The following SLC25A38 variants were observed in gnomAD, a reference collection of about 807,000 sequenced individuals.
The protein encoded by SLC25A38 is mitochondrial glycine transporter.
A neutral mutation model predicts 33.4 loss-of-function variants in SLC25A38; 27 were observed. The ratio of observed to expected loss-of-function variants is 0.81; its 90% CI spans 0.60 to 1.11. The LOEUF is 1.11. SLC25A38 is among the 50% of genes most tolerant of loss of function. The pLI is 0.00. For synonymous variants in SLC25A38, 123 were observed against 145.9 expected, an observed-to-expected ratio of 0.84 and a Z score of 1.13; for missense variants, 344 against 388.8, an observed-to-expected ratio of 0.88 and a Z score of 0.97.
chr3:39,395,176 T>G (rs2041813213), intron 6 of SLC25A38, among the ~76,000 whole-genome samples: 1 of 152,212 alleles, frequency 6.6e-6, no homozygotes, highest in African/African-American at 2.4e-5. Flanking sequence ...AAATTTGTTT[T>G]GGGCTGCATT....
In SLC25A38 at chr3:39,392,011, A is replaced by G; in HGVS notation, c.615A>G (p.Ile205Met). Residue 205 changes from isoleucine to methionine, a missense_variant, in exon 5 of 7, where the codon ATA becomes ATG. Physicochemically the swap from Ile to Met is conservative, Grantham distance 10. Coordinates refer to ENST00000650617, the MANE Select transcript of SLC25A38 (RefSeq NM_017875.4). ...YLMFYNQTKN[I>M]VPHDQVDATL... is the part of the protein sequence containing the mutation. Reference sequence around the variant, plus strand: ...TGTTTTACAACCAGACCAAAAATATAGTGCCTCATGGTAGGGATAAAGGAA... The same window carrying G: ...TGTTTTACAACCAGACCAAAAATATGGTGCCTCATGGTAGGGATAAAGGAA... 2 of 1,614,184 alleles carry G rather than the reference A, an allele frequency of 1.2e-6. No homozygotes were observed. Among genetic ancestry groups the G allele is most frequent in the Non-Finnish European group, 1.7e-6 (2 of 1,180,038 alleles).
intron 5 of SLC25A38, among the ~76,000 whole-genome samples, chr3:39,393,687 C>T (rs2041799580): frequency 6.6e-6 from 1 of 152,084 alleles, no homozygotes; most frequent in Non-Finnish European, 1.5e-5. Flanking sequence ...TTAGTAGAGA[C>T]AGAGTTGCAC....
At chr3:39,391,368 G>A (rs2041764356) in intron 3 of SLC25A38, 73 bp from the exon 4 acceptor site, 1 of 1,604,686 alleles carries the variant, frequency 6.2e-7, no homozygotes, top group African/African-American at 1.3e-5. Flanking sequence ...GGGGTCTTTT[G>A]GGAAAACCCA....
intron 1 of SLC25A38, among the ~76,000 whole-genome samples, chr3:39,385,679 A>T (rs2041701680): frequency 6.6e-6 from 1 of 152,168 alleles, no homozygotes; most frequent in Admixed American, 6.5e-5. Flanking sequence ...TTCCGCTGTC[A>T]CTGCTGAACA....
chr3:39,388,710 C>A, intron 1 of SLC25A38, among the ~76,000 whole-genome samples: 1 of 152,260 alleles, frequency 6.6e-6, no homozygotes, highest in Admixed American at 6.5e-5. Context: ...TACCTTTTCA[C>A]AGTCATTTGT....
chr3:39,393,488 G>T (rs781726894), intron 5 of SLC25A38, among the ~76,000 whole-genome samples: 1 of 152,118 alleles, frequency 6.6e-6, no homozygotes, highest in Admixed American at 6.6e-5. Flanking sequence ...AATTCAGGAA[G>T]TTTAACCTAG....
At chr3:39,393,028 T>C (rs2041790205) in intron 5 of SLC25A38, among the ~76,000 whole-genome samples, 2 of 152,346 alleles carry the variant, frequency 1.3e-5, no homozygotes, top group African/African-American at 4.8e-5. Context: ...CTTATGCCTG[T>C]AATCTCAGCA....
At position 39,390,454 on chromosome 3, in the gene SLC25A38, T is replaced by C; in HGVS notation, c.223T>C (p.Leu75=). The C allele has an allele frequency of 1.2e-6, 2 of 1,614,244 alleles. No individual in the cohort carries two copies. The highest frequency in any genetic ancestry group is 1.6e-4 in the Middle Eastern group (1 of 6,062). ...ACGTGTTGGGATGTTGGCTGTACTC[T>C]TGAAGGTGGTTCGCACGGAGAGTCT... ...SRRVGMLAVL[L]KVVRTESLLG... is the part of the protein sequence containing the mutation. Residue 75 remains leucine, a synonymous_variant, in exon 3 of 7, where the codon TTG becomes CTG. Transcript: ENST00000650617.
At chr3:39,394,930 G>A (rs1221024911) in intron 6 of SLC25A38, among the ~76,000 whole-genome samples, 1 of 151,562 alleles carries the variant, frequency 6.6e-6, no homozygotes. Context: ...CTCTAATTGA[G>A]GACCTAGGGT....
chr3:39,394,592 A>G lies in SLC25A38; in HGVS notation c.792+16A>G. ...TATTTTCAAAGTAAGACTACAAAAT[A>G]AGTACTGGTTCTTGTGGTGTTTAAG... On this transcript the variant is annotated intron_variant, in intron 6 of 6. Transcript: ENST00000650617. 6.2e-7 allele frequency: 1 copy of G among 1,614,106 alleles called. No homozygotes were observed.
Position 39,389,756 on chromosome 3 carries a change from G to A in SLC25A38, c.191+140G>A. ...CATGCCCAACTTTCATATGTTCTCT[G>A]AATTGTTTTTATATTTGACATTTCT... On this transcript the variant is annotated intron_variant, in intron 2 of 6. Transcript: ENST00000650617. This position sits in a 1 kb window ranked among gnomAD's most constrained non-coding sequence, Gnocchi z 4.5. The A allele has an allele frequency of 7.8e-6, 11 of 1,405,232 alleles. No homozygotes were observed. The South Asian group carries it at 1.3e-4, about 17-fold the overall frequency. 87.0% of individuals were successfully genotyped at this position (1,405,232 alleles called of 1,614,324 possible). A position where few individuals can be genotyped will look rare whatever the true frequency, so the allele number is the denominator to read the frequency against.
rs1559391884 is a variant in SLC25A38, at chr3:39,389,269, A to G, written c.70-226A>G. 4.1e-6 allele frequency: 3 copies of G among 730,660 alleles called. No individual in the cohort carries two copies. The highest frequency in any genetic ancestry group is 7.3e-6 in the Non-Finnish European group (3 of 410,648). 45.3% of individuals were successfully genotyped at this position (730,660 alleles called of 1,614,324 possible). On this transcript the variant is annotated intron_variant, in intron 1 of 6. Transcript: ENST00000650617. The surrounding 1 kb of genome is among the most constrained non-coding windows in gnomAD (Gnocchi z 4.5). ...CCACTGAGCAATATGTCTATCAGCA[A>G]TACGAAGACCAGAGATACCTCTTGC...
intron 5 of SLC25A38, among the ~76,000 whole-genome samples, chr3:39,394,017 G>A (rs573840074): frequency 6.6e-6 from 1 of 152,300 alleles, no homozygotes; most frequent in Non-Finnish European, 1.5e-5. Context: ...CCCATTATGA[G>A]TGATAGTAAC....
At chr3:39,394,669 T>C in intron 6 of SLC25A38, 93 bp downstream of exon 6, 1 of 1,466,632 alleles carries the variant, frequency 6.8e-7, no homozygotes, top group African/African-American at 1.4e-5. Context: ...TAAAATTGCC[T>C]AGAGAGCTTT....
intron 1 of SLC25A38, among the ~76,000 whole-genome samples, chr3:39,386,691 C>T (rs1013740150): frequency 6.6e-6 from 1 of 152,104 alleles, no homozygotes; most frequent in Non-Finnish European, 1.5e-5. Context: ...CAAGAGATAA[C>T]AGGGTTCTCA....
rs2125580560 is a variant in SLC25A38 at position 39,391,958 on chromosome 3, G to C, written c.562G>C (p.Asp188His). Residue 188 changes from aspartate (D) to histidine (H), a missense_variant, in exon 5 of 7, where the codon GAT (aspartate) becomes CAT (histidine). Coordinates refer to ENST00000650617, the MANE Select transcript of SLC25A38 (RefSeq NM_017875.4). ...FSGLTATLLR[D>H]APFSGIYLMF... The stretch of plus-strand genomic sequence containing the variant: ...TGGCCTGACAGCAACTCTCCTTCGA[G>C]ATGCGCCCTTCTCAGGAATCTACCT... The C allele has an allele frequency of 6.2e-7, 1 of 1,614,212 alleles. No homozygotes were observed.
chr3:39,385,241 T>C (rs1335300937), intron 1 of SLC25A38, among the ~76,000 whole-genome samples: 11 of 152,200 alleles, frequency 7.2e-5, no homozygotes, highest in Non-Finnish European at 2.9e-5. Flanking sequence ...CTATTAGAAG[T>C]TGATCTATAC....
At chr3:39,394,712 C>T in intron 6 of SLC25A38, 136 bp downstream of exon 6, 1 of 974,966 alleles carries the variant, frequency 1.0e-6, no homozygotes, top group South Asian at 1.6e-5. Flanking sequence ...AAAATCTAGG[C>T]CAACTATATC....
intron 2 of SLC25A38, among the ~76,000 whole-genome samples, chr3:39,390,190 C>T (rs1203768841): frequency 6.6e-6 from 1 of 152,228 alleles, no homozygotes; most frequent in Non-Finnish European, 1.5e-5. Context: ...ATCTGCCCAC[C>T]TCAGCCTTCC....
Sources: allele counts gnomAD v4.1 joint callset (sites outside exome capture counted in the v4.1 genomes callset), GRCh38; gene constraint gnomAD v4.1.1; non-coding constraint Gnocchi (gnomAD v3.1); transcripts MANE v1.5; gene names NCBI Gene and HGNC (gene_info 2026-07-23, HGNC 2026-07-21).